The following ALKBH8 variants were observed in gnomAD, a reference collection of about 807,000 sequenced individuals.
ALKBH8 encodes alkB homolog 8, tRNA methyltransferase, also known as tRNA (carboxymethyluridine(34)-5-O)-methyltransferase ALKBH8.
In ALKBH8, 36 loss-of-function variants were observed where a neutral mutation model predicts 59.8. That is an observed-to-expected ratio of 0.60 (90% CI 0.46 to 0.79). The LOEUF (loss-of-function observed/expected upper bound fraction) is 0.79. Ranked by LOEUF, ALKBH8 falls within the 30% of genes least tolerant of loss-of-function variation. ALKBH8 has a pLI of 0.00. For synonymous variants in ALKBH8, 276 were observed against 273.6 expected (o/e 1.01, Z -0.09); for missense variants, 768 against 801.0 (o/e 0.96, Z 0.50).
intron 8 of ALKBH8, among the ~76,000 whole-genome samples, chr11:107,526,487 G>A (rs969874746): frequency 2.0e-5 from 3 of 151,948 alleles, no homozygotes; most frequent in Admixed American, 6.6e-5. Flanking sequence ...AGATATAGAC[G>A]TAAACATAAA....
chr11:107,565,279 G>A, intron 1 of ALKBH8: 1 of 467,024 alleles, frequency 2.1e-6, no homozygotes, highest in Non-Finnish European at 3.9e-6. Context: ...ATTGTCACCG[G>A]TCAGAAAAGC....
chr11:107,511,119 G>A, intron 10 of ALKBH8, 83 bp from the exon 11 acceptor site: 1 of 1,363,054 alleles, frequency 7.3e-7, no homozygotes, highest in Admixed American at 2.1e-5. Context: ...ATACCTTAAA[G>A]TCATTAGACA....
In ALKBH8 at chr11:107,543,005, G is replaced by A. The variant is rs190074745; in HGVS notation, c.771+6748C>T. On this transcript the variant is annotated intron_variant, in intron 7 of 11. Coordinates refer to ENST00000428149, the MANE Select transcript of ALKBH8 (RefSeq NM_138775.3). Reference sequence around the variant, plus strand: ...CCAGAAAGAGCAAAGATTTTGTTCCGTATGGGAGAATGACAGTGGACGGTG... The same window carrying A: ...CCAGAAAGAGCAAAGATTTTGTTCCATATGGGAGAATGACAGTGGACGGTG... Among the ~76,000 whole-genome samples, 7 of 152,280 alleles carry A rather than the reference G, an allele frequency of 4.6e-5. No individual in the cohort carries two copies. In the South Asian group the frequency reaches 8.3e-4, roughly 18 times the overall value.
At chr11:107,516,327 T>C (rs1862861233) in intron 10 of ALKBH8, among the ~76,000 whole-genome samples, 1 of 152,204 alleles carries the variant, frequency 6.6e-6, no homozygotes, top group Admixed American at 6.5e-5. Flanking sequence ...AAATTTCCAG[T>C]AACTTCTGCC....
At chr11:107,517,670 A>G (rs760243875) in intron 10 of ALKBH8, among the ~76,000 whole-genome samples, 15 of 152,228 alleles carry the variant, frequency 9.9e-5, no homozygotes, top group Non-Finnish European at 1.9e-4. Flanking sequence ...ACAGAAGGCA[A>G]GTATTGCATG....
intron 10 of ALKBH8, among the ~76,000 whole-genome samples, chr11:107,519,829 T>C (rs1429123191): frequency 6.6e-6 from 1 of 152,188 alleles, no homozygotes; most frequent in Non-Finnish European, 1.5e-5. Flanking sequence ...ACTAGCTGAA[T>C]AACCTAGGAG....
chr11:107,559,719 T>C (rs1243192860), intron 2 of ALKBH8, among the ~76,000 whole-genome samples: 1 of 152,200 alleles, frequency 6.6e-6, no homozygotes, highest in Non-Finnish European at 1.5e-5. Context: ...GCTTAAATTC[T>C]CTGAAGACAT....
intron 10 of ALKBH8, among the ~76,000 whole-genome samples, chr11:107,512,667 A>G (rs199764825): frequency 2.0e-5 from 3 of 151,790 alleles, no homozygotes; most frequent in Non-Finnish European, 4.4e-5. Flanking sequence ...TCTTAGCCAA[A>G]CTCTATAATA....
intron 9 of ALKBH8, among the ~76,000 whole-genome samples, chr11:107,524,529 C>A (rs567393723): frequency 6.6e-5 from 10 of 152,104 alleles, no homozygotes; most frequent in Non-Finnish European, 1.5e-5. Context: ...TTTTTCTATA[C>A]CATGTAACTC....
At chr11:107,547,964 G>A (rs1395973007) in intron 7 of ALKBH8, among the ~76,000 whole-genome samples, 1 of 152,158 alleles carries the variant, frequency 6.6e-6, no homozygotes, top group Non-Finnish European at 1.5e-5. Context: ...TGATCTTCTA[G>A]GGCGCTGGGG....
At chr11:107,541,540 T>G (rs1183513533) in intron 7 of ALKBH8, among the ~76,000 whole-genome samples, 2 of 152,382 alleles carry the variant, frequency 1.3e-5, no homozygotes, top group Admixed American at 1.3e-4. Context: ...TATATTAATT[T>G]CTATTTATTC....
In ALKBH8 at chr11:107,551,939, A is replaced by C. The variant is rs760607616; in HGVS notation, c.596-27T>G. 5.5e-6 allele frequency: 7 copies of C among 1,279,658 alleles called. No homozygotes were observed. In the East Asian group the frequency reaches 8.3e-5, roughly 15 times the overall value. The allele number at this position is 1,279,658 out of a possible 1,614,324, so 79.3% of individuals were successfully genotyped here. On this transcript the variant is annotated intron_variant, in intron 5 of 11. Transcript: ENST00000428149. The stretch of plus-strand genomic sequence containing the variant: ...TACAATGAGTAATCATAAAGACAAA[A>C]CATTAAAATATTTACTTTGCTTGTT...
intron 1 of ALKBH8, 154 bp downstream of exon 1, chr11:107,565,447 G>T: frequency 2.0e-6 from 2 of 1,004,208 alleles, no homozygotes; most frequent in Non-Finnish European, 2.9e-6. Context: ...ACACCCTACT[G>T]CCCACACTGC....
chr11:107,533,860 G>A (rs1441396496), intron 7 of ALKBH8, among the ~76,000 whole-genome samples: 1 of 152,152 alleles, frequency 6.6e-6, no homozygotes, highest in African/African-American at 2.4e-5. Flanking sequence ...TGAGCGTGGT[G>A]GCTCATGCCT....
chr11:107,509,850 G>A (rs1289427465), intron 11 of ALKBH8, among the ~76,000 whole-genome samples: 1 of 152,190 alleles, frequency 6.6e-6, no homozygotes, highest in Non-Finnish European at 1.5e-5. Context: ...GCAAAAAATG[G>A]ATATAGATAT....
At chr11:107,549,311 C>T (rs912315627) in intron 7 of ALKBH8, among the ~76,000 whole-genome samples, 3 of 151,978 alleles carry the variant, frequency 2.0e-5, no homozygotes, top group African/African-American at 4.8e-5. Context: ...AAGATATTAC[C>T]CTCTACTTCT....
rs780666199 is a variant in ALKBH8 at position 107,560,915 on chromosome 11, A to G, written c.-6-16T>C. ...CCATAGCAAACTGTAAAAAAACAAG[A>G]CAGTAAAAAAGTCAACCTTAAGAGT... On this transcript the variant is annotated splice_polypyrimidine_tract_variant and intron_variant, in intron 1 of 11. Transcript: ENST00000428149. The G allele has an allele frequency of 6.3e-7, 1 of 1,596,324 alleles. No individual in the cohort carries two copies. Among genetic ancestry groups the G allele is most frequent in the Non-Finnish European group, 8.5e-7 (1 of 1,171,708 alleles).
chr11:107,557,340 G>C (rs73555514), intron 2 of ALKBH8, among the ~76,000 whole-genome samples: 2,028 of 152,234 alleles, frequency 0.013, 39 homozygotes, highest in African/African-American at 0.046. Context: ...GAGGAGAAAG[G>C]ACAGTTACAT....
chr11:107,512,217 G>GACAC (rs10590443), intron 10 of ALKBH8, among the ~76,000 whole-genome samples: 2 of 151,016 alleles, frequency 1.3e-5, no homozygotes, highest in South Asian at 2.1e-4. Context: ...GTAATATACA[G>GACAC]ACACACACAC....
Sources: gnomAD v4.1 joint callset for allele counts (sites outside exome capture counted in the v4.1 genomes callset) on GRCh38, gnomAD v4.1.1 for gene constraint, MANE v1.5 for transcripts, NCBI Gene and HGNC (gene_info 2026-07-23, HGNC 2026-07-21) for gene names.